The following TDRD9 variants were observed in gnomAD, a reference collection of about 807,000 sequenced individuals.
TDRD9 encodes tudor domain containing 9, also known as ATP-dependent RNA helicase TDRD9.
A neutral mutation model predicts 172.6 loss-of-function variants in TDRD9; 124 were observed. That is an observed-to-expected ratio of 0.72 (90% CI 0.62 to 0.83). The LOEUF is 0.83. Among genes scored for constraint, TDRD9 ranks in the 40% least tolerant of loss-of-function variants. The probability of loss-of-function intolerance (pLI) is 0.00; values close to 1 mark genes in which losing one functional copy is unlikely to be tolerated. For missense variants in TDRD9, 1,479 were observed against 1,714.1 expected, an observed-to-expected ratio of 0.86 and a Z score of 2.42; for synonymous variants, 619 against 617.1, an observed-to-expected ratio of 1.00 and a Z score of -0.05.
At chr14:103,981,006 T>C (rs2033452759) in intron 7 of TDRD9, among the ~76,000 whole-genome samples, 1 of 152,226 alleles carries the variant, frequency 6.6e-6, no homozygotes, top group Non-Finnish European at 1.5e-5. Context: ...ATTAATGATA[T>C]TCATACATAA....
In TDRD9 at chr14:103,991,205, T is replaced by C. The variant is rs1381477679; in HGVS notation, c.1161T>C (p.Ser387=). The C allele has an allele frequency of 3.1e-6, 5 of 1,613,846 alleles. No individual in the cohort carries two copies. The African/African-American group carries it at 5.3e-5, about 17-fold the overall frequency. Residue 387 remains serine, a synonymous_variant, in exon 9 of 36, where the codon AGT becomes AGC. Coordinates refer to ENST00000409874, the MANE Select transcript of TDRD9 (RefSeq NM_153046.3). ...SGAQFVLERS[S]VLVFLPGLGE... is the part of the protein sequence containing the mutation. Reference sequence around the variant, plus strand: ...CCCAGTTTGTGTTGGAGCGAAGCAGTGTGTTGGTGTTTTTGCCAGGTAAGA... The same window carrying C: ...CCCAGTTTGTGTTGGAGCGAAGCAGCGTGTTGGTGTTTTTGCCAGGTAAGA...
chr14:104,001,990 C>A (rs1000139025), intron 13 of TDRD9, among the ~76,000 whole-genome samples: 1 of 151,580 alleles, frequency 6.6e-6, no homozygotes, highest in East Asian at 2.0e-4. Context: ...TGTGTGAGAT[C>A]TGTTTTTTCC....
At chr14:104,002,400 GC>G (rs975109976) in intron 13 of TDRD9, among the ~76,000 whole-genome samples, 2 of 151,956 alleles carry the variant, frequency 1.3e-5, no homozygotes, top group African/African-American at 4.8e-5. Context: ...AAATTGGTCT[GC>G]CCCTGAACTG....
chr14:104,009,312 G>A (rs1011443534), intron 20 of TDRD9, among the ~76,000 whole-genome samples: 1 of 152,226 alleles, frequency 6.6e-6, no homozygotes, highest in Non-Finnish European at 1.5e-5. Context: ...CTCAGGTGGA[G>A]CAGTTTCATC....
chr14:104,028,481 T>A (rs139649060), intron 28 of TDRD9, among the ~76,000 whole-genome samples: 61 of 152,336 alleles, frequency 4.0e-4, no homozygotes, highest in African/African-American at 1.4e-3. Flanking sequence ...TGGTTATTTG[T>A]ATGTCTTCTT....
At chr14:103,998,339 C>T (rs921534713) in intron 12 of TDRD9, among the ~76,000 whole-genome samples, 6 of 152,032 alleles carry the variant, frequency 3.9e-5, no homozygotes, top group African/African-American at 1.2e-4. Context: ...TTTTGGAGAA[C>T]GTTACTCTTT....
intron 19 of TDRD9, among the ~76,000 whole-genome samples, chr14:104,007,732 T>A (rs936062929): frequency 6.6e-6 from 1 of 152,040 alleles, no homozygotes; most frequent in Middle Eastern, 3.2e-3. Context: ...GGAGATTTGC[T>A]GTGCTTAGAT....
rs147169550 is a variant in TDRD9, at chr14:104,031,195, G to A, written c.3370G>A (p.Glu1124Lys). 89 of 1,551,762 alleles carry A rather than the reference G, an allele frequency of 5.7e-5. No homozygotes were observed. The African/African-American group carries it at 9.3e-4, about 16-fold the overall frequency. Reference sequence around the variant, plus strand: ...TGTGCCCTTTCCCATGAAAGACGACGAGAAATATCTCATCCGGATTTTGTT... The same window carrying A: ...TGTGCCCTTTCCCATGAAAGACGACAAGAAATATCTCATCCGGATTTTGTT... The part of the protein sequence containing the change: ...GSVPFPMKDD[E>K]KYLIRILLES... The change falls in exon 29 of 36, where the codon GAG (glutamate) becomes AAG (lysine). Residue 1124 changes from glutamate to lysine, a missense_variant. Glu to Lys is a moderately conservative substitution (Grantham distance 56). Around this residue, in one of 3 missense-constraint regions of TDRD9, gnomAD observed 1,413 missense variants for 1,649.1 expected, o/e 0.86. Transcript: ENST00000409874.
chr14:103,934,080 G>A (rs889100792), intron 1 of TDRD9, among the ~76,000 whole-genome samples: 4 of 151,534 alleles, frequency 2.6e-5, no homozygotes, highest in Middle Eastern at 3.2e-3. Context: ...CAGTGCTGCT[G>A]TGCATAGCTC....
chr14:104,028,289 A>G (rs529326268), intron 28 of TDRD9, among the ~76,000 whole-genome samples: 80 of 152,312 alleles, frequency 5.3e-4, no homozygotes, highest in African/African-American at 1.8e-3. Flanking sequence ...TAAAGACTGT[A>G]TTAATTTACC....
Position 104,035,967 on chromosome 14 carries a change from A to G in TDRD9, c.3716+911A>G, listed in dbSNP as rs117430298. Reference sequence around the variant, plus strand: ...CACTTGTTCAGAATCTGACAGTGCAATCTCAAAATGTGTAGTGCTTTTTTT... The same window carrying G: ...CACTTGTTCAGAATCTGACAGTGCAGTCTCAAAATGTGTAGTGCTTTTTTT... On this transcript the variant is annotated intron_variant, in intron 32 of 35. Coordinates refer to ENST00000409874, the MANE Select transcript of TDRD9 (RefSeq NM_153046.3). Among the ~76,000 whole-genome samples, 605 of 152,074 alleles carry G rather than the reference A, an allele frequency of 4.0e-3. 1 individual carries two copies. Among genetic ancestry groups the G allele is most frequent in the Non-Finnish European group, 5.6e-3 (384 of 67,988 alleles).
chr14:103,956,144 A>ATG (rs1555365074), intron 2 of TDRD9, among the ~76,000 whole-genome samples: 2,098 of 77,190 alleles, frequency 0.027, 111 homozygotes, highest in East Asian at 0.044. Context: ...ATATATATAT[A>ATG]TATATAATTA....
chr14:103,984,825 A>T (rs1171006163), intron 7 of TDRD9, among the ~76,000 whole-genome samples: 1 of 152,156 alleles, frequency 6.6e-6, no homozygotes, highest in African/African-American at 2.4e-5. Context: ...ATTCAATGCC[A>T]GCCCATGAAA....
At chr14:103,937,098 A>G (rs1052207256) in intron 1 of TDRD9, among the ~76,000 whole-genome samples, 2 of 152,190 alleles carry the variant, frequency 1.3e-5, no homozygotes. Flanking sequence ...TTTAAAAACA[A>G]TTGTTGAATG....
At chr14:103,940,840 A>T in intron 1 of TDRD9, 1 of 1,535,298 alleles carries the variant, frequency 6.5e-7, no homozygotes, top group Non-Finnish European at 8.7e-7. Flanking sequence ...TAGGTTCCAT[A>T]TTCTGTGTGA....
chr14:103,984,257 A>G (rs573332296), intron 7 of TDRD9, among the ~76,000 whole-genome samples: 7 of 152,216 alleles, frequency 4.6e-5, no homozygotes, highest in Non-Finnish European at 1.0e-4. Flanking sequence ...GAGGAGCTAA[A>G]TGTTAATCTC....
At chr14:104,005,639 G>A (rs1229264793) in intron 15 of TDRD9, among the ~76,000 whole-genome samples, 1 of 152,068 alleles carries the variant, frequency 6.6e-6, no homozygotes, top group Non-Finnish European at 1.5e-5. Context: ...TGGAAACCCT[G>A]CTCTTCCTAC....
rs917877963 is a variant in TDRD9, at chr14:103,971,287, G to A, written c.846+666G>A. Among the ~76,000 whole-genome samples the A allele has an allele frequency of 4.3e-5, 6 of 140,404 alleles. No homozygotes were observed. In the South Asian group the frequency reaches 1.6e-3, roughly 37 times the overall value. 92.1% of individuals were successfully genotyped at this position (140,404 alleles called of 152,430 possible). On this transcript the variant is annotated intron_variant, in intron 6 of 35. Transcript: ENST00000409874. Reference sequence around the variant, plus strand: ...TGTGAGCCACCGCGCCTGGCCCAGGGCTGTTTGTTTGTTTGTTTACTTATT... The same window carrying A: ...TGTGAGCCACCGCGCCTGGCCCAGGACTGTTTGTTTGTTTGTTTACTTATT...
At chr14:104,026,287 A>T (rs2035116170) in intron 27 of TDRD9, among the ~76,000 whole-genome samples, 151 bp downstream of exon 27, 1 of 152,176 alleles carries the variant, frequency 6.6e-6, no homozygotes, top group Non-Finnish European at 1.5e-5. Flanking sequence ...CAATAGCCAA[A>T]TTTGGTTTCT....
Sources: allele counts gnomAD v4.1 joint callset (sites outside exome capture counted in the v4.1 genomes callset), GRCh38; gene constraint gnomAD v4.1.1; regional missense constraint gnomAD v4.1.1; transcripts MANE v1.5; gene names NCBI Gene and HGNC (gene_info 2026-07-23, HGNC 2026-07-21).